The following PCK2 variants were observed in gnomAD, a reference collection of about 807,000 sequenced individuals.
PCK2 encodes phosphoenolpyruvate carboxykinase [GTP], mitochondrial.
Under a neutral mutation model 65.9 loss-of-function variants are expected in PCK2, and 56 were observed. The observed-to-expected ratio is 0.85, with a 90% CI of 0.69 to 1.06. PCK2 has a LOEUF of 1.06. Among genes scored for constraint, PCK2 ranks in the 50% least tolerant of loss-of-function variants. The pLI, the probability that PCK2 is intolerant of heterozygous loss-of-function variation, is 0.00. For synonymous variants in PCK2, 305 were observed against 319.6 expected, an observed-to-expected ratio of 0.95 and a Z score of 0.49; for missense variants, 843 against 863.1, an observed-to-expected ratio of 0.98 and a Z score of 0.29.
At chr14:24,099,478 C>A in intron 5 of PCK2, 80 bp from the exon 6 acceptor site, 2 of 1,340,132 alleles carry the variant, frequency 1.5e-6, no homozygotes, top group Non-Finnish European at 2.1e-6. Context: ...CCCTATTAGA[C>A]CCTAGCTGCC....
intron 1 of PCK2, chr14:24,095,391 C>T: frequency 2.7e-6 from 1 of 377,294 alleles, no homozygotes; most frequent in South Asian, 1.9e-5. Flanking sequence ...CCCAGTAGCC[C>T]TCCTCCCCTG....
In PCK2 at chr14:24,100,149, C is replaced by T. The variant is rs142798631; in HGVS notation, c.1170C>T (p.Gly390=). 1.3e-4 allele frequency: 203 copies of T among 1,613,734 alleles called. No homozygotes were observed. Among genetic ancestry groups the T allele is most frequent in the Non-Finnish European group, 1.6e-4 (193 of 1,179,832 alleles). The change falls in exon 7 of 10, where the codon GGC becomes GGT. Residue 390 remains glycine (G), a synonymous_variant. Coordinates refer to ENST00000216780, the MANE Select transcript of PCK2 (RefSeq NM_004563.4). ...GTGATGGTGGCGTGTACTGGGAGGG[C>T]ATTGACCAGCCTCTTCCACCTGGTG... ...ETSDGGVYWE[G]IDQPLPPGVT... is the part of the protein sequence containing the mutation.
At chr14:24,099,277 G>A (rs763791864) in intron 5 of PCK2, 41 bp downstream of exon 5, 2 of 1,556,020 alleles carry the variant, frequency 1.3e-6, no homozygotes, top group Non-Finnish European at 1.7e-6. Context: ...CCGGGGACAG[G>A]GCAGGGGTGG....
chr14:24,094,482 G>GC lies in PCK2; in HGVS notation c.29+53dup, dbSNP rs1351714325. On this transcript the variant is annotated intron_variant, in intron 1 of 9. Transcript: ENST00000216780. This position sits in a 1 kb window ranked among gnomAD's most constrained non-coding sequence, Gnocchi z 4.1. ...CCCACCCGCACCTTCCGCTGCGCTC[G>GC]CCCCCTCGGGGCTGCCAGTGGCGCT... The GC allele has an allele frequency of 6.7e-7, 1 of 1,486,822 alleles. No individual in the cohort carries two copies. The highest frequency in any genetic ancestry group is 8.9e-7 in the Non-Finnish European group (1 of 1,125,732). The allele number at this position is 1,486,822 out of a possible 1,614,324, so 92.1% of individuals were successfully genotyped here.
In PCK2 at chr14:24,102,835, G is replaced by C; in HGVS notation, c.1317G>C (p.Glu439Asp). 1.9e-6 allele frequency: 3 copies of C among 1,613,958 alleles called. No homozygotes were observed. The highest frequency in any genetic ancestry group is 2.5e-6 in the Non-Finnish European group (3 of 1,179,832). ...RQCPIMDPAW[E>D]APEGVPIDAI... ...GCCCCATCATGGACCCAGCCTGGGA[G>C]GCCCCAGAGGGTGTCCCCATTGACG... Residue 439 changes from glutamate (E) to aspartate (D), a missense_variant, in exon 8 of 10, where the codon GAG becomes GAC. By Grantham distance (45) the Glu-to-Asp change is conservative (BLOSUM62 2). Coordinates refer to ENST00000216780, the MANE Select transcript of PCK2 (RefSeq NM_004563.4).
intron 2 of PCK2, among the ~76,000 whole-genome samples, chr14:24,097,587 G>A (rs1193559373): frequency 2.3e-5 from 2 of 85,982 alleles, no homozygotes; most frequent in East Asian, 1.3e-3. Context: ...GAAAGAAACT[G>A]GGATTTTTTT....
intron 7 of PCK2, among the ~76,000 whole-genome samples, chr14:24,102,043 T>C (rs1253485092): frequency 6.6e-6 from 1 of 150,820 alleles, no homozygotes; most frequent in African/African-American, 2.4e-5. Context: ...CTGGCCAACA[T>C]GGTGAAACCC....
At position 24,094,670 on chromosome 14, in the gene PCK2, A is replaced by G; in HGVS notation, c.29+236A>G. On this transcript the variant is annotated intron_variant, in intron 1 of 9. Transcript: ENST00000216780. This position sits in a 1 kb window ranked among gnomAD's most constrained non-coding sequence, Gnocchi z 4.1. Reference sequence around the variant, plus strand: ...CCCTTCTCTGCCTCGCTCGCCTCTGACCGCGCGATCTCTATCTGCCACTCT... The same window carrying G: ...CCCTTCTCTGCCTCGCTCGCCTCTGGCCGCGCGATCTCTATCTGCCACTCT... The G allele has an allele frequency of 6.6e-7, 1 of 1,514,692 alleles. No individual in the cohort carries two copies. Among genetic ancestry groups the G allele is most frequent in the Non-Finnish European group, 8.8e-7 (1 of 1,133,906 alleles). 93.8% of individuals were successfully genotyped at this position (1,514,692 alleles called of 1,614,324 possible).
intron 9 of PCK2, 23 bp downstream of exon 9, chr14:24,103,278 C>T (rs1278666375): frequency 1.3e-6 from 2 of 1,579,758 alleles, no homozygotes; most frequent in South Asian, 1.1e-5. Flanking sequence ...ACCATTCCTC[C>T]CTCTCCTGTG....
chr14:24,098,156 G>C, intron 2 of PCK2, 47 bp from the exon 3 acceptor site: 1 of 1,538,846 alleles, frequency 6.5e-7, no homozygotes, highest in Non-Finnish European at 8.8e-7. Flanking sequence ...CTAGGGACAA[G>C]GGAAACCTGC....
chr14:24,103,740 A>G lies in PCK2; in HGVS notation c.1699A>G (p.Ser567Gly), dbSNP rs754519255. The G allele has an allele frequency of 5.8e-5, 93 of 1,614,086 alleles. No individual in the cohort carries two copies. The highest frequency in any genetic ancestry group is 3.3e-4 in the Middle Eastern group (2 of 6,084). The change falls in exon 10 of 10, where the codon AGT (serine) becomes GGT (glycine). Residue 567 changes from serine to glycine, a missense_variant. Transcript: ENST00000216780. ...WICRRLEGED[S>G]ARETPIGLVP... ...CTGCCGGCGGTTAGAGGGGGAGGAC[A>G]GTGCCCGAGAGACACCCATTGGGCT...
At position 24,104,098 on chromosome 14, in the gene PCK2, CA is replaced by C; in HGVS notation, c.*136del. The C allele has an allele frequency of 1.6e-6, 1 of 640,874 alleles. No homozygotes were observed. The highest frequency in any genetic ancestry group is 2.9e-5 in the Admixed American group (1 of 34,672). 39.7% of individuals were successfully genotyped at this position (640,874 alleles called of 1,614,324 possible). On this transcript the variant is annotated 3_prime_UTR_variant, in exon 10 of 10. Transcript: ENST00000216780. ...CATAGACCTTCCCACAAAGACTGTC[CA>C]ATAATAAGAGATGCTTATCTATTTT...
intron 1 of PCK2, among the ~76,000 whole-genome samples, chr14:24,096,304 T>G (rs2036882800): frequency 7.0e-6 from 1 of 143,004 alleles, no homozygotes; most frequent in Non-Finnish European, 1.5e-5. Flanking sequence ...AGTGTCCCGA[T>G]CTCGGCTCAC....
chr14:24,100,058 C>T lies in PCK2; in HGVS notation c.1079C>T (p.Thr360Ile), dbSNP rs141823645. ...FFGVAPGTSA[T>I]TNPNAMATIQ... ...GGGGTTGCCCCTGGTACCTCTGCCA[C>T]CACCAATCCCAACGCCATGGCTACA... The change falls in exon 7 of 10, where the codon ACC becomes ATC. Residue 360 changes from threonine (T) to isoleucine (I), a missense_variant. Transcript: ENST00000216780. 572 of 1,613,360 alleles carry T rather than the reference C, an allele frequency of 3.5e-4. 3 individuals carry two copies. The Middle Eastern group carries it at 5.0e-3, about 14-fold the overall frequency.
At chr14:24,094,189 G>C, upstream of PCK2, 1 of 560,732 alleles carries the variant, frequency 1.8e-6, no homozygotes. The surrounding 1 kb of genome is among the most constrained non-coding windows in gnomAD (Gnocchi z 4.1). Flanking sequence ...CTGGAGCCTG[G>C]AGCCCCGGGG....
intron 2 of PCK2, 38 bp downstream of exon 2, chr14:24,097,175 C>T (rs370135081): frequency 1.9e-6 from 3 of 1,600,306 alleles, no homozygotes; most frequent in Non-Finnish European, 2.6e-6. Flanking sequence ...GATAGGTGCA[C>T]TGAGGCCACT....
chr14:24,100,783 G>A (rs2037131805), intron 7 of PCK2, among the ~76,000 whole-genome samples: 1 of 152,070 alleles, frequency 6.6e-6, no homozygotes, highest in South Asian at 2.1e-4. Flanking sequence ...CCCTTCCCCT[G>A]TCCCTCCAAA....
At chr14:24,097,325 T>G (rs1594290497) in intron 2 of PCK2, among the ~76,000 whole-genome samples, 188 bp downstream of exon 2, 2 of 145,542 alleles carry the variant, frequency 1.4e-5, no homozygotes, top group Admixed American at 6.9e-5. Flanking sequence ...CCAAGGCGGG[T>G]GGATCACCAG....
Position 24,102,848 on chromosome 14 carries a change from G to A in PCK2, c.1330G>A (p.Val444Ile), listed in dbSNP as rs774378735. Residue 444 changes from valine (V) to isoleucine (I), a missense_variant, in exon 8 of 10, where the codon GTC becomes ATC. By Grantham distance (29) the Val-to-Ile change is conservative. Transcript: ENST00000216780. ...MDPAWEAPEG[V>I]PIDAIIFGGR... ...CCCAGCCTGGGAGGCCCCAGAGGGT[G>A]TCCCCATTGACGCCATCATCTTTGG... The A allele has an allele frequency of 6.2e-7, 1 of 1,613,978 alleles. No individual in the cohort carries two copies. The highest frequency in any genetic ancestry group is 2.2e-5 in the East Asian group (1 of 44,892).
Sources: allele counts gnomAD v4.1 joint callset (sites outside exome capture counted in the v4.1 genomes callset), GRCh38; gene constraint gnomAD v4.1.1; non-coding constraint Gnocchi (gnomAD v3.1); transcripts MANE v1.5; gene names NCBI Gene and HGNC (gene_info 2026-07-23, HGNC 2026-07-21).